The following MAGI2 variants were observed in gnomAD, a reference collection of about 807,000 sequenced individuals.
MAGI2 encodes membrane associated guanylate kinase, WW and PDZ domain containing 2, also known as membrane-associated guanylate kinase, WW and PDZ domain-containing protein 2.
Under a neutral mutation model 133.3 loss-of-function variants are expected in MAGI2, and 35 were observed. The observed-to-expected ratio is 0.26, with a 90% CI of 0.20 to 0.35. The LOEUF is 0.35. MAGI2 is among the 10% of genes least tolerant of loss of function. The pLI is 1.00. For synonymous variants in MAGI2, 729 were observed against 710.6 expected, an observed-to-expected ratio of 1.03 and a Z score of -0.41; for missense variants, 1,636 against 1,863.4, an observed-to-expected ratio of 0.88 and a Z score of 2.25.
intron 1 of MAGI2, among the ~76,000 whole-genome samples, chr7:79,385,944 CCTT>C (rs1844149867): frequency 6.6e-6 from 1 of 151,792 alleles, no homozygotes; most frequent in Non-Finnish European, 1.5e-5. Flanking sequence ...ATGTTGTAAA[CCTT>C]AAATATGCAC....
chr7:78,568,933 C>T (rs1475407261), intron 3 of MAGI2, among the ~76,000 whole-genome samples: 1 of 152,164 alleles, frequency 6.6e-6, no homozygotes, highest in Non-Finnish European at 1.5e-5. Flanking sequence ...TATTCCTTGA[C>T]CGTTCTGCAC....
At chr7:78,499,401 A>T (rs1794419672) in intron 5 of MAGI2, among the ~76,000 whole-genome samples, 1 of 152,166 alleles carries the variant, frequency 6.6e-6, no homozygotes, top group African/African-American at 2.4e-5. Context: ...GTTTATAACT[A>T]TTTGTCTCTC....
chr7:78,600,317 C>T (rs1805059786), intron 3 of MAGI2, among the ~76,000 whole-genome samples: 1 of 151,894 alleles, frequency 6.6e-6, no homozygotes, highest in Non-Finnish European at 1.5e-5. Context: ...TAGAAGAAGA[C>T]ATATAGATGG....
At chr7:78,552,176 CTTTTTTTT>C (rs869196799) in intron 3 of MAGI2, among the ~76,000 whole-genome samples, 4 of 90,348 alleles carry the variant, frequency 4.4e-5, no homozygotes, top group East Asian at 3.8e-4. Flanking sequence ...ATTTGTTTTC[CTTTTTTTT>C]TTTTTTTTTT....
intron 10 of MAGI2, among the ~76,000 whole-genome samples, chr7:78,213,816 C>T (rs997575688): frequency 2.6e-5 from 4 of 152,330 alleles, no homozygotes; most frequent in South Asian, 2.1e-4. Context: ...GCCTGATTCA[C>T]GAATCATTCT....
intron 1 of MAGI2, among the ~76,000 whole-genome samples, chr7:79,268,413 G>T (rs1167697153): frequency 6.6e-6 from 1 of 152,168 alleles, no homozygotes; most frequent in Admixed American, 6.5e-5. Context: ...CATTGACGAT[G>T]TATTAAGAAT....
chr7:78,591,508 A>G (rs17439361), intron 3 of MAGI2, among the ~76,000 whole-genome samples: 38,140 of 152,230 alleles, frequency 0.25, 5,721 homozygotes, highest in Middle Eastern at 0.41. Context: ...GACACTGTGT[A>G]AATGAGGTCA....
chr7:79,116,141 T>A (rs765901685), intron 1 of MAGI2, among the ~76,000 whole-genome samples: 8 of 152,162 alleles, frequency 5.3e-5, no homozygotes, highest in Non-Finnish European at 1.2e-4. Context: ...GAAGGGACAC[T>A]CATCTTTTCC....
rs1360253578 is a variant in MAGI2 at position 79,131,043 on chromosome 7, G to A, written c.302-123837C>T. 2.0e-5 allele frequency among the ~76,000 whole-genome samples: 3 copies of A among 152,296 alleles called. No individual in the cohort carries two copies. The East Asian group carries it at 5.8e-4, about 29-fold the overall frequency. ...TACTAGGCTAGTTACAATGCAAGGT[G>A]TTAAGTGATCATTTAGCTCTCTAGG... On this transcript the variant is annotated intron_variant, in intron 1 of 21. Transcript: ENST00000354212.
intron 2 of MAGI2, among the ~76,000 whole-genome samples, chr7:78,644,261 A>G (rs2150995621): frequency 6.6e-6 from 1 of 152,268 alleles, no homozygotes; most frequent in South Asian, 2.1e-4. Context: ...AATAATTGAT[A>G]AAACAAGTAG....
intron 1 of MAGI2, among the ~76,000 whole-genome samples, chr7:79,111,970 A>G (rs1818966571): frequency 6.6e-6 from 1 of 152,022 alleles, no homozygotes; most frequent in African/African-American, 2.4e-5. Flanking sequence ...CCCAGCCCAT[A>G]TAGAGATTTT....
chr7:79,117,622 G>C (rs1183273020), intron 1 of MAGI2, among the ~76,000 whole-genome samples: 1 of 152,050 alleles, frequency 6.6e-6, no homozygotes, highest in Non-Finnish European at 1.5e-5. Flanking sequence ...AGAAAACAAA[G>C]TTCAGCTTTT....
At chr7:78,705,380 A>G (rs1329966993) in intron 2 of MAGI2, among the ~76,000 whole-genome samples, 1 of 152,144 alleles carries the variant, frequency 6.6e-6, no homozygotes, top group Non-Finnish European at 1.5e-5. Context: ...TTCCCCAGCC[A>G]TGTGGAACTG....
At chr7:78,430,813 G>A (rs1276485719) in intron 6 of MAGI2, among the ~76,000 whole-genome samples, 1 of 152,058 alleles carries the variant, frequency 6.6e-6, no homozygotes, top group Non-Finnish European at 1.5e-5. Context: ...TACAAATAAT[G>A]TGTTTACAGT....
chr7:79,393,792 T>C (rs533788188), intron 1 of MAGI2, among the ~76,000 whole-genome samples: 1 of 152,322 alleles, frequency 6.6e-6, no homozygotes, highest in East Asian at 1.9e-4. Flanking sequence ...GTATTTTACC[T>C]GGCCACATTT....
chr7:79,183,343 A>G (rs547942798), intron 1 of MAGI2, among the ~76,000 whole-genome samples: 1 of 152,008 alleles, frequency 6.6e-6, no homozygotes, highest in South Asian at 2.1e-4. Context: ...TAAAAAATAC[A>G]TTTAAATAAA....
chr7:78,710,544 C>T (rs193215818), intron 2 of MAGI2, among the ~76,000 whole-genome samples: 39 of 152,192 alleles, frequency 2.6e-4, no homozygotes, highest in South Asian at 2.1e-4. Context: ...GTCCATGGCA[C>T]GATAATACCA....
rs564784930 is a variant in MAGI2, at chr7:78,471,064, G to C, written c.1045+18697C>G. Among the ~76,000 whole-genome samples the C allele has an allele frequency of 5.9e-5, 9 of 152,168 alleles. No individual in the cohort carries two copies. The East Asian group carries it at 1.6e-3, about 26-fold the overall frequency. On this transcript the variant is annotated intron_variant, in intron 6 of 21. Transcript: ENST00000354212. ...TATTGTTTTATGTATGTTTCTCATG[G>C]CCAAAGTAAGCTAGAGTGCCAATTA...
intron 1 of MAGI2, among the ~76,000 whole-genome samples, chr7:79,104,527 C>T (rs564184322): frequency 3.3e-5 from 5 of 151,824 alleles, no homozygotes; most frequent in Admixed American, 6.6e-5. Context: ...ATTAGCTGGG[C>T]GTGGTGGGAC....
Sources: gnomAD v4.1 joint callset for allele counts (sites outside exome capture counted in the v4.1 genomes callset) on GRCh38, gnomAD v4.1.1 for gene constraint, MANE v1.5 for transcripts, NCBI Gene and HGNC (gene_info 2026-07-23, HGNC 2026-07-21) for gene names.